Variants in ZFP64 observed in about 807,000 individuals in gnomAD.
ZFP64 encodes the protein zinc finger protein 64.
In ZFP64, 14 loss-of-function variants were observed where a neutral mutation model predicts 51.6. The observed-to-expected ratio is 0.27, with a 90% confidence interval of 0.18 to 0.42. The LOEUF (loss-of-function observed/expected upper bound fraction) is 0.42, where lower values mean the gene tolerates loss of function less well. Among genes scored for constraint, ZFP64 ranks in the 10% least tolerant of loss-of-function variants. The probability of loss-of-function intolerance (pLI) is 1.00; values close to 1 mark genes in which losing one functional copy is unlikely to be tolerated. For missense variants in ZFP64, 754 were observed against 906.8 expected, an observed-to-expected ratio of 0.83 and a Z score of 2.16; for synonymous variants, 375 against 361.4, an observed-to-expected ratio of 1.04 and a Z score of -0.43.
At chr20:52,132,845 C>T (rs1230191802) in intron 5 of ZFP64, among the ~76,000 whole-genome samples, 1 of 152,036 alleles carries the variant, frequency 6.6e-6, no homozygotes, top group Admixed American at 6.6e-5. Flanking sequence ...GGAATATTTC[C>T]AGACTCATTC....
Position 52,191,462 on chromosome 20 carries a change from G to A in ZFP64, c.46+129C>T. ...GCGCGCCCGCCGCGGTCCCCGAGACGCGGCTCCGAGCCGTCACCCCGATTT... is the reference window on the plus strand; with the variant it reads ...GCGCGCCCGCCGCGGTCCCCGAGACACGGCTCCGAGCCGTCACCCCGATTT... On this transcript the variant is annotated intron_variant, in intron 1 of 5. Coordinates refer to ENST00000216923, the MANE Select transcript of ZFP64 (RefSeq NM_018197.3). The surrounding 1 kb of genome is among the most constrained non-coding windows in gnomAD (Gnocchi z 4.3). 1 of 1,188,530 alleles carries A rather than the reference G, an allele frequency of 8.4e-7. No homozygotes were observed. Among genetic ancestry groups the A allele is most frequent in the South Asian group, 2.2e-5 (1 of 46,036 alleles). The allele number at this position is 1,188,530 out of a possible 1,614,324, so 73.6% of individuals were successfully genotyped here. A position where few individuals can be genotyped will look rare whatever the true frequency, so the allele number is the denominator to read the frequency against.
intron 2 of ZFP64, 97 bp downstream of exon 2, chr20:52,186,735 G>C (rs1983993157): frequency 6.7e-7 from 1 of 1,488,078 alleles, no homozygotes; most frequent in Non-Finnish European, 9.0e-7. Flanking sequence ...ACCCTAGGGG[G>C]TGGGCTCTGG....
At chr20:52,175,875 C>CCCCCCAAAAA in intron 2 of ZFP64, 3 of 965,664 alleles carry the variant, frequency 3.1e-6, no homozygotes, top group Non-Finnish European at 2.5e-6. Flanking sequence ...CCCCCGCCCC[C>CCCCCCAAAAA]AAAATAATTC....
At chr20:52,175,647 C>A (rs1242283612) in intron 2 of ZFP64, among the ~76,000 whole-genome samples, 2 of 152,158 alleles carry the variant, frequency 1.3e-5, no homozygotes, top group African/African-American at 4.8e-5. Context: ...GAGTTTGAGA[C>A]CAGCCTGGCC....
chr20:52,117,143 C>T (rs1052639809), intron 5 of ZFP64, among the ~76,000 whole-genome samples: 4 of 152,192 alleles, frequency 2.6e-5, no homozygotes, highest in Non-Finnish European at 2.9e-5. Flanking sequence ...GCACTGCTTT[C>T]CTGATTCACA....
intron 2 of ZFP64, among the ~76,000 whole-genome samples, chr20:52,186,043 T>C (rs956190979): frequency 6.6e-6 from 1 of 152,222 alleles, no homozygotes; most frequent in Non-Finnish European, 1.5e-5. Context: ...CAATCACATA[T>C]ATGATTCTTT....
At chr20:52,098,823 G>A (rs1290458770) in intron 5 of ZFP64, among the ~76,000 whole-genome samples, 1 of 151,924 alleles carries the variant, frequency 6.6e-6, no homozygotes, top group Non-Finnish European at 1.5e-5. Context: ...CCAATATGGT[G>A]AAACCCTGTC....
At chr20:52,149,941 GCTCACACCTGTAATC>G (rs1980707541), downstream of ZFP64, among the ~76,000 whole-genome samples, 2 of 152,232 alleles carry the variant, frequency 1.3e-5, no homozygotes, top group South Asian at 4.2e-4. Flanking sequence ...AGGTACGGTG[GCTCACACCTGTAATC>G]CCAGCACTTT....
At chr20:52,168,152 A>C (rs1982437598) in intron 2 of ZFP64, among the ~76,000 whole-genome samples, 1 of 152,094 alleles carries the variant, frequency 6.6e-6, no homozygotes, top group African/African-American at 2.4e-5. Flanking sequence ...ATACACCTCA[A>C]ATGATACCTT....
At chr20:52,089,054 T>C (rs907247623) in intron 7 of ZFP64, 3 of 519,650 alleles carry the variant, frequency 5.8e-6, no homozygotes, top group African/African-American at 1.9e-5. Context: ...CCCTAGGCTG[T>C]TGGTCAAAGG....
chr20:52,106,102 C>T (rs1555880455), intron 5 of ZFP64, among the ~76,000 whole-genome samples: 1 of 152,190 alleles, frequency 6.6e-6, no homozygotes, highest in Non-Finnish European at 1.5e-5. Context: ...GTGACTCGGG[C>T]GCACCGGCTC....
At position 52,133,813 on chromosome 20, in the gene ZFP64, G is replaced by T. The variant is rs116433865; in HGVS notation, c.763+26310C>A. Among the ~76,000 whole-genome samples the T allele has an allele frequency of 4.9e-3, 745 of 152,050 alleles. 5 individuals are homozygous for T. Among genetic ancestry groups the T allele is most frequent in the African/African-American group, 0.017 (713 of 41,474 alleles). ...TCTGGCAGGCCGGGGTAGATCACTT[G>T]AGTCTAGGAGTTTGAGACCAGCCTG... On this transcript the variant is annotated intron_variant, in intron 5 of 8. Coordinates refer to the ZFP64 transcript ENST00000361387.
chr20:52,152,525 C>G lies in ZFP64; in HGVS notation c.1667G>C (p.Arg556Pro), dbSNP rs776878713. The G allele has an allele frequency of 2.7e-5, 43 of 1,597,934 alleles. No homozygotes were observed. The highest frequency in any genetic ancestry group is 3.7e-5 in the Non-Finnish European group (43 of 1,172,844). ...VSLIAPPQSSRCPSEAGAMTQ... is the reference protein window; with the variant it reads ...VSLIAPPQSSPCPSEAGAMTQ... ...CATTGCGCCCGCCTCGCTCGGACAC[C>G]GCGAGGACTGAGGGGGGGCGATCAG... The change falls in exon 6 of 6, where the codon CGG (arginine) becomes CCG (proline). Residue 556 changes from arginine (R) to proline (P), a missense_variant. Coordinates refer to ENST00000216923, the MANE Select transcript of ZFP64 (RefSeq NM_018197.3).
intron 7 of ZFP64, among the ~76,000 whole-genome samples, chr20:52,093,378 G>A (rs1250179138): frequency 2.0e-5 from 3 of 152,194 alleles, no homozygotes; most frequent in Non-Finnish European, 4.4e-5. Context: ...GACCTCAGGT[G>A]ATCTGCCTGC....
chr20:52,169,697 C>T (rs1982559973), intron 2 of ZFP64, among the ~76,000 whole-genome samples: 1 of 152,132 alleles, frequency 6.6e-6, no homozygotes, highest in African/African-American at 2.4e-5. Context: ...CAAATATTTT[C>T]TCATTCCATA....
intron 5 of ZFP64, chr20:52,110,319 C>A: frequency 2.2e-6 from 1 of 464,506 alleles, no homozygotes; most frequent in Non-Finnish European, 3.9e-6. Flanking sequence ...CCCTACCAAA[C>A]CCTGGAAAAC....
chr20:52,126,712 A>G lies in ZFP64; in HGVS notation c.764-28125T>C, dbSNP rs2122867982. Reference sequence around the variant, plus strand: ...CAAAATGAATAGAATTCTCTTTAGGATTTTATGTAAAGTCTCATAAAAGCT... The same window carrying G: ...CAAAATGAATAGAATTCTCTTTAGGGTTTTATGTAAAGTCTCATAAAAGCT... On this transcript the variant is annotated intron_variant, in intron 5 of 8. Coordinates refer to the ZFP64 transcript ENST00000361387. Among the ~76,000 whole-genome samples the G allele has an allele frequency of 2.0e-5, 3 of 152,264 alleles. No homozygotes were observed. In the South Asian group the frequency reaches 6.2e-4, roughly 32 times the overall value.
chr20:52,084,773 G>A, exon 9 of ZFP64: 1 of 1,614,216 alleles, frequency 6.2e-7, no homozygotes, highest in African/African-American at 1.3e-5. Context: ...TCTGCGTCAC[G>A]ATCTTGGCCA....
intron 2 of ZFP64, among the ~76,000 whole-genome samples, chr20:52,169,626 C>T (rs1387210609): frequency 6.6e-6 from 1 of 152,170 alleles, no homozygotes; most frequent in Non-Finnish European, 1.5e-5. Context: ...CTGGGCAAGT[C>T]ACAGCAGAGG....
Sources: gnomAD v4.1 joint callset for allele counts (sites outside exome capture counted in the v4.1 genomes callset) on GRCh38, gnomAD v4.1.1 for gene constraint, Gnocchi (gnomAD v3.1) non-coding constraint, MANE v1.5 for transcripts, NCBI Gene and HGNC (gene_info 2026-07-23, HGNC 2026-07-21) for gene names.